FAM200B: variants seen among roughly 807,000 people sequenced by gnomAD.
FAM200B encodes zinc finger BED-type containing 11.
A neutral mutation model predicts 33.1 loss-of-function variants in FAM200B; 32 were observed. The ratio of observed to expected loss-of-function variants is 0.97; its 90% CI spans 0.73 to 1.30. The LOEUF (loss-of-function observed/expected upper bound fraction) is 1.30. Ranked by LOEUF, FAM200B falls within the 50% of genes most tolerant of loss-of-function variation. FAM200B has a pLI of 0.00. For missense variants in FAM200B, 741 were observed against 754.0 expected, an observed-to-expected ratio of 0.98 and a Z score of 0.20; for synonymous variants, 240 against 264.8, an observed-to-expected ratio of 0.91 and a Z score of 0.91.
the FAM200B span, among the ~76,000 whole-genome samples, chr4:15,646,592 AC>A: frequency 6.6e-6 from 1 of 152,066 alleles, no homozygotes; most frequent in African/African-American, 2.4e-5. Context: ...CATGTGCACA[AC>A]GTGCAGGTTT....
At chr4:15,640,767 C>T in the FAM200B span, 4 of 1,353,788 alleles carry the variant, frequency 3.0e-6, no homozygotes, top group South Asian at 2.7e-5. Flanking sequence ...ATCTAAATCA[C>T]GAAAGAAAAA....
At chr4:15,641,212 T>G in the FAM200B span, among the ~76,000 whole-genome samples, 1 of 152,214 alleles carries the variant, frequency 6.6e-6, no homozygotes, top group East Asian at 1.9e-4. Flanking sequence ...TCTCCAAGCC[T>G]AATGGACTGT....
chr4:15,652,723 TAAA>T, the FAM200B span, among the ~76,000 whole-genome samples: 1 of 152,204 alleles, frequency 6.6e-6, no homozygotes, highest in Non-Finnish European at 1.5e-5. Context: ...TGGATGCTTC[TAAA>T]ATACATTCTA....
chr4:15,649,345 C>T, the FAM200B span, among the ~76,000 whole-genome samples: 6,784 of 151,912 alleles, frequency 0.045, 494 homozygotes, highest in African/African-American at 0.15. Flanking sequence ...TTTGGGAGGC[C>T]GAGGCAGGCG....
chr4:15,657,482 T>C, the FAM200B span, among the ~76,000 whole-genome samples: 1 of 152,206 alleles, frequency 6.6e-6, no homozygotes, highest in Admixed American at 6.5e-5. Flanking sequence ...ACCAGACACA[T>C]TAAAAAGGTA....
At chr4:15,638,499 G>GA in the FAM200B span, 4 of 1,560,402 alleles carry the variant, frequency 2.6e-6, no homozygotes, top group Admixed American at 4.0e-5. Flanking sequence ...TTATATATAT[G>GA]AATCTCACCT....
chr4:15,676,367 T>C, the FAM200B span, among the ~76,000 whole-genome samples: 3 of 152,064 alleles, frequency 2.0e-5, no homozygotes, highest in Non-Finnish European at 4.4e-5. Flanking sequence ...TGTATGAGGA[T>C]GGAAACAGCC....
At chr4:15,643,807 A>G in the FAM200B span, among the ~76,000 whole-genome samples, 855 of 152,390 alleles carry the variant, frequency 5.6e-3, 13 homozygotes, top group African/African-American at 0.02. Flanking sequence ...TTAACTGGAT[A>G]GCTTTCCTTT....
chr4:15,655,348 G>C, the FAM200B span: 1 of 1,263,394 alleles, frequency 7.9e-7, no homozygotes, highest in Non-Finnish European at 1.0e-6. Context: ...AGACACCCTC[G>C]CCGCGGGGCA....
the FAM200B span, chr4:15,655,346 T>G: frequency 1.3e-5 from 17 of 1,271,450 alleles, no homozygotes; most frequent in Non-Finnish European, 1.5e-5. Flanking sequence ...ATAGACACCC[T>G]CGCCGCGGGG....
At chr4:15,648,708 G>C in the FAM200B span, among the ~76,000 whole-genome samples, 9 of 152,174 alleles carry the variant, frequency 5.9e-5, no homozygotes, top group Admixed American at 6.6e-5. Context: ...TGTTGGGGCA[G>C]GGGATGGAGA....
At chr4:15,679,781 A>T (rs955734619), upstream of FAM200B, among the ~76,000 whole-genome samples, 3 of 151,428 alleles carry the variant, frequency 2.0e-5, no homozygotes, top group African/African-American at 7.3e-5. Context: ...AAAAAAAAGC[A>T]GTATGTCTCA....
At chr4:15,652,366 T>C in the FAM200B span, among the ~76,000 whole-genome samples, 1 of 152,200 alleles carries the variant, frequency 6.6e-6, no homozygotes. Flanking sequence ...TAGCTGCTTA[T>C]GTAACCTTGG....
the FAM200B span, among the ~76,000 whole-genome samples, chr4:15,660,499 C>G: frequency 6.6e-6 from 1 of 152,174 alleles, no homozygotes; most frequent in Non-Finnish European, 1.5e-5. Context: ...ATGTATACAT[C>G]TTATTTGTGT....
At chr4:15,669,016 A>G in the FAM200B span, among the ~76,000 whole-genome samples, 1 of 152,226 alleles carries the variant, frequency 6.6e-6, no homozygotes. Flanking sequence ...GCTGCATAAC[A>G]CTTGTAGAGA....
chr4:15,640,859 C>A, the FAM200B span: 1 of 1,540,626 alleles, frequency 6.5e-7, no homozygotes, highest in Non-Finnish European at 8.7e-7. Flanking sequence ...AGTTGTTTTG[C>A]ATAATTTAAC....
chr4:15,646,985 G>A, the FAM200B span, among the ~76,000 whole-genome samples: 924 of 152,014 alleles, frequency 6.1e-3, 3 homozygotes, highest in Non-Finnish European at 8.2e-3. Context: ...CACTTTGAGA[G>A]GCTGAGGTGA....
the FAM200B span, among the ~76,000 whole-genome samples, chr4:15,648,136 C>T: frequency 6.6e-6 from 1 of 152,152 alleles, no homozygotes; most frequent in Non-Finnish European, 1.5e-5. Flanking sequence ...AGATTATAGG[C>T]ACAAGCCACT....
At chr4:15,651,409 GATA>G in the FAM200B span, among the ~76,000 whole-genome samples, 1 of 152,176 alleles carries the variant, frequency 6.6e-6, no homozygotes, top group African/African-American at 2.4e-5. Flanking sequence ...TTAAATGAAG[GATA>G]ATATTTGGCT....
Sources: gnomAD v4.1 joint callset for allele counts (sites outside exome capture counted in the v4.1 genomes callset) on GRCh38, gnomAD v4.1.1 for gene constraint, MANE v1.5 for transcripts, NCBI Gene and HGNC (gene_info 2026-07-23, HGNC 2026-07-21) for gene names.